The following ABHD16A variants were observed in gnomAD, a reference collection of about 807,000 sequenced individuals.
ABHD16A encodes abhydrolase domain containing 16A, phospholipase.
Under a neutral mutation model 89.8 loss-of-function variants are expected in ABHD16A, and 47 were observed. The observed-to-expected ratio is 0.52, with a 90% CI of 0.41 to 0.67. The LOEUF (loss-of-function observed/expected upper bound fraction) is 0.67, where lower values mean the gene tolerates loss of function less well. ABHD16A is among the 30% of genes least tolerant of loss of function. The probability of loss-of-function intolerance (pLI) is 0.00; values close to 1 mark genes in which losing one functional copy is unlikely to be tolerated. For synonymous variants in ABHD16A, 251 were observed against 280.4 expected (o/e 0.90, Z 1.05); for missense variants, 580 against 734.6 (o/e 0.79, Z 2.43).
chr6:31,688,148 G>C lies in ABHD16A; in HGVS notation c.1308-45C>G, dbSNP rs889634011. On this transcript the variant is annotated intron_variant, in intron 15 of 19. Transcript: ENST00000395952. The surrounding 1 kb of genome is among the most constrained non-coding windows in gnomAD (Gnocchi z 4.9). ...ACCCTGGAGGGGCTGGAGGTTAGGAGGAAGGGTCTAGATACCCAGGTTTCT... is the reference window on the plus strand; with the variant it reads ...ACCCTGGAGGGGCTGGAGGTTAGGACGAAGGGTCTAGATACCCAGGTTTCT... The C allele has an allele frequency of 1.9e-6, 3 of 1,606,010 alleles. No homozygotes were observed. The highest frequency in any genetic ancestry group is 2.6e-6 in the Non-Finnish European group (3 of 1,174,534).
chr6:31,689,171 C>A lies in ABHD16A; in HGVS notation c.1082-52G>T, dbSNP rs1405906108. ...AAGAACTGAGAAAGGCTCCTTTCTCCCCACCACCCATGCTCTCATCCCACT... is the reference window on the plus strand; with the variant it reads ...AAGAACTGAGAAAGGCTCCTTTCTCACCACCACCCATGCTCTCATCCCACT... On this transcript the variant is annotated intron_variant, in intron 12 of 19. Transcript: ENST00000395952. 4 of 1,478,624 alleles carry A rather than the reference C, an allele frequency of 2.7e-6. No individual in the cohort carries two copies. The Admixed American group carries it at 5.5e-5, about 20-fold the overall frequency. 91.6% of individuals were successfully genotyped at this position (1,478,624 alleles called of 1,614,324 possible). A position where few individuals can be genotyped will look rare whatever the true frequency, so the allele number is the denominator to read the frequency against.
Position 31,688,156 on chromosome 6 carries a change from C to G in ABHD16A, c.1308-53G>C. On this transcript the variant is annotated intron_variant, in intron 15 of 19. Coordinates refer to ENST00000395952, the MANE Select transcript of ABHD16A (RefSeq NM_021160.3). The surrounding 1 kb of genome is among the most constrained non-coding windows in gnomAD (Gnocchi z 4.9). ...GGGGCTGGAGGTTAGGAGGAAGGGT[C>G]TAGATACCCAGGTTTCTGGTGGGCA... The G allele has an allele frequency of 1.2e-6, 2 of 1,605,860 alleles. No individual in the cohort carries two copies. Among genetic ancestry groups the G allele is most frequent in the Non-Finnish European group, 1.7e-6 (2 of 1,174,258 alleles).
chr6:31,701,064 G>A (rs377488573), intron 3 of ABHD16A, 36 bp from the exon 4 acceptor site: 49 of 1,542,108 alleles, frequency 3.2e-5, no homozygotes, highest in African/African-American at 4.1e-5. Flanking sequence ...GACCCTCTCC[G>A]CAATGTCCCT....
In ABHD16A at chr6:31,691,689, G is replaced by A. The variant is rs376069543; in HGVS notation, c.742-9C>T. 64 of 1,524,676 alleles carry A rather than the reference G, an allele frequency of 4.2e-5. No individual in the cohort carries two copies. Among genetic ancestry groups the A allele is most frequent in the Non-Finnish European group, 5.6e-5 (63 of 1,126,428 alleles). 94.4% of individuals were successfully genotyped at this position (1,524,676 alleles called of 1,614,324 possible). A position where few individuals can be genotyped will look rare whatever the true frequency, so the allele number is the denominator to read the frequency against. On this transcript the variant is annotated splice_polypyrimidine_tract_variant and intron_variant, in intron 8 of 19. Transcript: ENST00000395952. ...GCCCGGCGCCCATTACACTGAGTACGGAAGACGCAATGGCCAAGATGCAAG... is the reference window on the plus strand; with the variant it reads ...GCCCGGCGCCCATTACACTGAGTACAGAAGACGCAATGGCCAAGATGCAAG...
intron 7 of ABHD16A, 115 bp downstream of exon 7, chr6:31,692,911 CA>C: frequency 7.1e-7 from 1 of 1,404,748 alleles, no homozygotes; most frequent in Non-Finnish European, 1.0e-6. Flanking sequence ...CTACACAAAC[CA>C]TACAGCACTA....
Position 31,696,945 on chromosome 6 carries a change from C to T in ABHD16A, c.429+3G>A, listed in dbSNP as rs559451959. ...GTGTGGCACTTTTCCTAGGGCCTCT[C>T]ACCTTGTTTTCTGAAGACTGGTTCC... On this transcript the variant is annotated splice_donor_region_variant and intron_variant, in intron 5 of 19. Coordinates refer to ENST00000395952, the MANE Select transcript of ABHD16A (RefSeq NM_021160.3). The T allele has an allele frequency of 6.2e-6, 10 of 1,612,584 alleles. No individual in the cohort carries two copies. The highest frequency in any genetic ancestry group is 4.4e-5 in the South Asian group (4 of 91,072).
intron 4 of ABHD16A, 148 bp downstream of exon 4, chr6:31,700,794 A>G (rs1403605615): frequency 4.4e-5 from 29 of 656,310 alleles, no homozygotes; most frequent in Non-Finnish European, 6.1e-5. Flanking sequence ...TTATAACCCA[A>G]GTCTTTTAAG....
In ABHD16A at chr6:31,690,899, C is replaced by A. The variant is rs768927119; in HGVS notation, c.844-297G>T. Among the ~76,000 whole-genome samples, 1 of 152,124 alleles carries A rather than the reference C, an allele frequency of 6.6e-6. No homozygotes were observed. Among genetic ancestry groups the A allele is most frequent in the Non-Finnish European group, 1.5e-5 (1 of 68,030 alleles). On this transcript the variant is annotated intron_variant, in intron 9 of 19. Coordinates refer to ENST00000395952, the MANE Select transcript of ABHD16A (RefSeq NM_021160.3). This position sits in a 1 kb window ranked among gnomAD's most constrained non-coding sequence, Gnocchi z 4.1. ...GACTATGGAGATGTTTTTCCTTTCT[C>A]GTTTTCGGGTCTGTTATCTTCTGTG...
chr6:31,687,953 C>T lies in ABHD16A; in HGVS notation c.1371-53G>A. The T allele has an allele frequency of 6.2e-7, 1 of 1,612,454 alleles. No individual in the cohort carries two copies. Among genetic ancestry groups the T allele is most frequent in the Non-Finnish European group, 8.5e-7 (1 of 1,179,814 alleles). On this transcript the variant is annotated intron_variant, in intron 16 of 19. Transcript: ENST00000395952. This position sits in a 1 kb window ranked among gnomAD's most constrained non-coding sequence, Gnocchi z 6.3. The stretch of plus-strand genomic sequence containing the variant: ...GGGCTGATTTTTTTTCATTCACCAT[C>T]CCTGAACCTTCCTCCCTCCTTCCCT...
intron 2 of ABHD16A, 54 bp from the exon 3 acceptor site, chr6:31,701,394 C>A: frequency 7.2e-7 from 1 of 1,387,456 alleles, no homozygotes; most frequent in African/African-American, 1.4e-5. Context: ...CACACACCTG[C>A]CATTCCAGGC....
intron 12 of ABHD16A, 60 bp from the exon 13 acceptor site, chr6:31,689,179 C>T: frequency 6.8e-7 from 1 of 1,478,002 alleles, no homozygotes; most frequent in Non-Finnish European, 9.3e-7. Context: ...TCCCCACCAC[C>T]CATGCTCTCA....
At chr6:31,702,010 G>C in intron 2 of ABHD16A, 64 bp downstream of exon 2, 1 of 1,592,302 alleles carries the variant, frequency 6.3e-7, no homozygotes, top group Non-Finnish European at 8.6e-7. Context: ...GTTAGGGAGG[G>C]CTAAGTTCAA....
rs1378701439 is a variant in ABHD16A at position 31,688,190 on chromosome 6, A to T, written c.1307+59T>A. The T allele has an allele frequency of 3.1e-6, 5 of 1,607,450 alleles. No individual in the cohort carries two copies. The highest frequency in any genetic ancestry group is 4.3e-6 in the Non-Finnish European group (5 of 1,174,718). ...CAGGTTTCTGGTGGGCAGAGGTAGA[A>T]GGGACAAGTTCCTGGCCATCTCTGG... is the stretch of plus-strand genomic sequence containing the variant. On this transcript the variant is annotated intron_variant, in intron 15 of 19. Coordinates refer to ENST00000395952, the MANE Select transcript of ABHD16A (RefSeq NM_021160.3). This position sits in a 1 kb window ranked among gnomAD's most constrained non-coding sequence, Gnocchi z 4.9.
chr6:31,687,291 C>G lies in ABHD16A; in HGVS notation c.1598G>C (p.Arg533Pro). Residue 533 changes from arginine (R) to proline (P), a missense_variant, in exon 20 of 20, where the codon CGG (arginine) becomes CCG (proline). Around this residue, in one of 2 missense-constraint regions of ABHD16A, gnomAD observed 415 missense variants for 568.8 expected, o/e 0.73. Transcript: ENST00000395952. This position sits in a 1 kb window ranked among gnomAD's most constrained non-coding sequence, Gnocchi z 6.3. ...GRRQLALFLA[R>P]KHLHNFEATH... The stretch of plus-strand genomic sequence containing the variant: ...GGCCTCAAAGTTGTGCAGATGCTTC[C>G]GAGCCTGAGGAAAGGAGGTGGGACA... 1 of 1,612,792 alleles carries G rather than the reference C, an allele frequency of 6.2e-7. No homozygotes were observed. The highest frequency in any genetic ancestry group is 8.5e-7 in the Non-Finnish European group (1 of 1,179,936).
chr6:31,699,903 C>A (rs1804770841), intron 4 of ABHD16A, among the ~76,000 whole-genome samples: 1 of 151,988 alleles, frequency 6.6e-6, no homozygotes, highest in African/African-American at 2.4e-5. Context: ...ACCACCATAC[C>A]TGGCTAATTT....
At position 31,698,309 on chromosome 6, in the gene ABHD16A, G is replaced by C. The variant is rs1384987484; in HGVS notation, c.344-1276C>G. ...TTACTTCTGAGGAAAGAGGAAGATG[G>C]GACTGAAAGGATTCCAATGGGAACT... On this transcript the variant is annotated intron_variant, in intron 4 of 19. Transcript: ENST00000395952. The surrounding 1 kb of genome is among the most constrained non-coding windows in gnomAD (Gnocchi z 4.1). Among the ~76,000 whole-genome samples the C allele has an allele frequency of 6.6e-6, 1 of 151,268 alleles. No homozygotes were observed. The highest frequency in any genetic ancestry group is 1.5e-5 in the Non-Finnish European group (1 of 67,880).
At chr6:31,691,152 G>A (rs932706144) in intron 9 of ABHD16A, among the ~76,000 whole-genome samples, 1 of 152,120 alleles carries the variant, frequency 6.6e-6, no homozygotes, top group African/African-American at 2.4e-5. Flanking sequence ...AGGAGACTTT[G>A]AGGCCAGGCT....
At chr6:31,692,192 A>G (rs886412436) in intron 7 of ABHD16A, 1 of 394,784 alleles carries the variant, frequency 2.5e-6, no homozygotes, top group Non-Finnish European at 4.5e-6. Flanking sequence ...TTATGATGTA[A>G]CTGTCTATAC....
chr6:31,692,710 A>G (rs1804006175), intron 7 of ABHD16A: 1 of 432,064 alleles, frequency 2.3e-6, no homozygotes. Flanking sequence ...AGATGCTACC[A>G]GAGCCTGCCC....
Sources: gnomAD v4.1 joint callset for allele counts (sites outside exome capture counted in the v4.1 genomes callset) on GRCh38, gnomAD v4.1.1 for gene constraint, gnomAD v4.1.1 regional missense constraint, Gnocchi (gnomAD v3.1) non-coding constraint, MANE v1.5 for transcripts, NCBI Gene and HGNC (gene_info 2026-07-23, HGNC 2026-07-21) for gene names.